RERG: variants seen among roughly 807,000 people sequenced by gnomAD.
RERG encodes the protein RAS like estrogen regulated growth inhibitor.
Under a neutral mutation model 23.2 loss-of-function variants are expected in RERG, and 25 were observed. The observed-to-expected ratio is 1.08, with a 90% CI of 0.79 to 1.50. RERG has a LOEUF of 1.50. RERG is among the 40% of genes most tolerant of loss of function. RERG has a pLI of 0.00. For synonymous variants in RERG, 81 were observed against 89.1 expected (o/e 0.91, Z 0.51); for missense variants, 253 against 250.1 (o/e 1.01, Z -0.08).
chr12:15,127,350 C>T (rs1371991621), intron 2 of RERG, among the ~76,000 whole-genome samples: 1 of 152,170 alleles, frequency 6.6e-6, no homozygotes, highest in Non-Finnish European at 1.5e-5. Context: ...TCCACTATTG[C>T]TATTGTGCTT....
At chr12:15,110,821 C>CT (rs1474314101) in intron 4 of RERG, 1 of 152,230 alleles carries the variant, frequency 6.6e-6, no homozygotes, top group Non-Finnish European at 1.5e-5. Flanking sequence ...TCTATGAACC[C>CT]TTTTTAATCT....
At chr12:15,171,290 A>C (rs1478705491) in intron 2 of RERG, among the ~76,000 whole-genome samples, 1 of 152,196 alleles carries the variant, frequency 6.6e-6, no homozygotes, top group Non-Finnish European at 1.5e-5. Context: ...CACATATCAG[A>C]ACCTTGAATT....
At chr12:15,141,358 A>T (rs1426477709) in intron 2 of RERG, among the ~76,000 whole-genome samples, 3 of 151,842 alleles carry the variant, frequency 2.0e-5, no homozygotes, top group Non-Finnish European at 4.4e-5. Context: ...GTTTTTACCT[A>T]TTGGCATACC....
intron 2 of RERG, among the ~76,000 whole-genome samples, chr12:15,161,226 G>GAAAGAAAGAAAGAAAC (rs1565524246): frequency 4.1e-4 from 51 of 123,524 alleles, no homozygotes; most frequent in South Asian, 2.8e-3. Flanking sequence ...AAGAAAGAAA[G>GAAAGAAAGAAAGAAAC]AAACAGGGGC....
chr12:15,213,634 G>A (rs182488434), intron 2 of RERG, among the ~76,000 whole-genome samples: 8 of 152,272 alleles, frequency 5.3e-5, no homozygotes, highest in East Asian at 1.9e-4. Context: ...ACACATGTGC[G>A]TGCACATACA....
chr12:15,191,741 A>G lies in RERG; in HGVS notation c.61+25688T>C, dbSNP rs974255413. 2.6e-5 allele frequency among the ~76,000 whole-genome samples: 4 copies of G among 152,152 alleles called. No individual in the cohort carries two copies. In the East Asian group the frequency reaches 5.8e-4, roughly 22 times the overall value. ...CATTTATCCCCTCTCTCCTCAGTCA[A>G]TTCCAACTTGGCCCATTCCTACTCA... On this transcript the variant is annotated intron_variant, in intron 2 of 4. Transcript: ENST00000256953.
At chr12:15,194,013 A>G (rs1019148043) in intron 2 of RERG, among the ~76,000 whole-genome samples, 1 of 152,138 alleles carries the variant, frequency 6.6e-6, no homozygotes, top group Non-Finnish European at 1.5e-5. Flanking sequence ...GAGATTTCAC[A>G]TTGACAGCAG....
intron 2 of RERG, among the ~76,000 whole-genome samples, chr12:15,145,139 C>T (rs1313909502): frequency 6.6e-6 from 1 of 152,200 alleles, no homozygotes; most frequent in East Asian, 1.9e-4. Context: ...CAATTGGAGT[C>T]TAACAAGAAC....
chr12:15,213,032 C>CT (rs1264907714), intron 2 of RERG, among the ~76,000 whole-genome samples: 2 of 152,312 alleles, frequency 1.3e-5, no homozygotes, highest in South Asian at 2.1e-4. Flanking sequence ...GCTTGGCAAT[C>CT]TGAGTCTATG....
chr12:15,174,276 T>C (rs897750087), intron 2 of RERG, among the ~76,000 whole-genome samples: 1 of 152,044 alleles, frequency 6.6e-6, no homozygotes, highest in Non-Finnish European at 1.5e-5. Context: ...AAAATAGATA[T>C]GTTATCCACT....
At chr12:15,204,680 C>G (rs1286205061) in intron 2 of RERG, among the ~76,000 whole-genome samples, 1 of 151,868 alleles carries the variant, frequency 6.6e-6, no homozygotes, top group African/African-American at 2.4e-5. Context: ...CCAAATATTT[C>G]TCACTGATTT....
intron 2 of RERG, among the ~76,000 whole-genome samples, chr12:15,187,912 A>T (rs1308227066): frequency 6.6e-6 from 1 of 152,092 alleles, no homozygotes; most frequent in Admixed American, 6.6e-5. Flanking sequence ...TTATAATTTT[A>T]TGAGACTACA....
chr12:15,217,315 G>A, intron 2 of RERG, 114 bp downstream of exon 2: 1 of 726,726 alleles, frequency 1.4e-6, no homozygotes, highest in Non-Finnish European at 2.5e-6. Context: ...AAAAGAGTAA[G>A]AAATGAAAAT....
chr12:15,121,154 T>G, intron 2 of RERG, 35 bp from the exon 3 acceptor site: 1 of 1,557,116 alleles, frequency 6.4e-7, no homozygotes, highest in Non-Finnish European at 8.8e-7. Flanking sequence ...CAAAAAATAA[T>G]TTGTTAATTT....
At chr12:15,186,042 A>C (rs1864985393) in intron 2 of RERG, among the ~76,000 whole-genome samples, 1 of 152,032 alleles carries the variant, frequency 6.6e-6, no homozygotes, top group African/African-American at 2.4e-5. Context: ...TATAACATCA[A>C]AAATTGAACT....
intron 2 of RERG, among the ~76,000 whole-genome samples, chr12:15,145,690 C>T (rs565405628): frequency 1.3e-5 from 2 of 152,316 alleles, no homozygotes; most frequent in East Asian, 3.9e-4. Context: ...TGAAGACTTC[C>T]AGTGCTAGGC....
intron 2 of RERG, among the ~76,000 whole-genome samples, chr12:15,212,528 C>T (rs1865382743): frequency 6.6e-6 from 1 of 152,058 alleles, no homozygotes; most frequent in African/African-American, 2.4e-5. Context: ...TTATGAGATG[C>T]TTACACATCC....
intron 2 of RERG, among the ~76,000 whole-genome samples, chr12:15,206,431 A>G (rs1213339127): frequency 6.6e-6 from 1 of 152,174 alleles, no homozygotes; most frequent in Non-Finnish European, 1.5e-5. Flanking sequence ...ACAAAAAGCT[A>G]TATGCTTTTC....
intron 2 of RERG, among the ~76,000 whole-genome samples, chr12:15,123,508 AGTT>A (rs1238567107): frequency 8.0e-6 from 1 of 124,446 alleles, no homozygotes; most frequent in African/African-American, 2.8e-5. Flanking sequence ...TATTCAAAAC[AGTT>A]GTTTAATGTA....
Sources: gnomAD v4.1 joint callset for allele counts (sites outside exome capture counted in the v4.1 genomes callset) on GRCh38, gnomAD v4.1.1 for gene constraint, MANE v1.5 for transcripts, NCBI Gene and HGNC (gene_info 2026-07-23, HGNC 2026-07-21) for gene names.